RHOU: variants seen among roughly 807,000 people sequenced by gnomAD.
RHOU encodes the protein rho-related GTP-binding protein RhoU.
RHOU carries 8 observed loss-of-function variants against 12.6 expected under a neutral mutation model. The observed-to-expected ratio is 0.64, with a 90% CI of 0.37 to 1.15. The LOEUF is 1.15. Among genes scored for constraint, RHOU ranks in the 50% most tolerant of loss-of-function variants. RHOU has a pLI of 0.01. For missense variants in RHOU, 258 were observed against 347.0 expected (o/e 0.74, Z 2.04); for synonymous variants, 161 against 147.4 (o/e 1.09, Z -0.67).
the RHOU span, among the ~76,000 whole-genome samples, chr1:228,710,345 G>C: frequency 6.6e-6 from 1 of 152,132 alleles, no homozygotes; most frequent in Non-Finnish European, 1.5e-5. Flanking sequence ...AAGCCGGGCA[G>C]AGACACAACC....
chr1:228,673,895 G>A, the RHOU span, among the ~76,000 whole-genome samples: 1 of 152,204 alleles, frequency 6.6e-6, no homozygotes, highest in Admixed American at 6.5e-5. Context: ...TTTCTATTGA[G>A]CGTATCTAGT....
chr1:228,716,724 G>A, the RHOU span, among the ~76,000 whole-genome samples: 2 of 104,328 alleles, frequency 1.9e-5, no homozygotes, highest in Admixed American at 9.0e-5. Context: ...TTATGTGTGT[G>A]TGTATATATA....
the RHOU span, among the ~76,000 whole-genome samples, chr1:228,677,490 T>G: frequency 6.6e-6 from 1 of 151,578 alleles, no homozygotes; most frequent in South Asian, 2.1e-4. Context: ...CATTTACAAA[T>G]ATACAGTCCC....
At chr1:228,707,105 C>CATATATATATATATAT in the RHOU span, among the ~76,000 whole-genome samples, 13 of 70,800 alleles carry the variant, frequency 1.8e-4, no homozygotes, top group South Asian at 4.1e-4. Flanking sequence ...TATATACATA[C>CATATATATATATATAT]ATATATATAT....
chr1:228,722,432 C>G, the RHOU span, among the ~76,000 whole-genome samples: 1 of 152,164 alleles, frequency 6.6e-6, no homozygotes, highest in Non-Finnish European at 1.5e-5. Context: ...CAGCACCTCC[C>G]TTGGAACTCC....
chr1:228,710,958 C>G, the RHOU span, among the ~76,000 whole-genome samples: 1 of 151,186 alleles, frequency 6.6e-6, no homozygotes, highest in African/African-American at 2.4e-5. Flanking sequence ...GCAACTTCAG[C>G]AAAGTCTCAG....
At chr1:228,728,263 C>G in the RHOU span, among the ~76,000 whole-genome samples, 3 of 152,226 alleles carry the variant, frequency 2.0e-5, no homozygotes, top group Non-Finnish European at 4.4e-5. Flanking sequence ...TCTAGCCTTT[C>G]TCCTCTAGGC....
upstream of RHOU, among the ~76,000 whole-genome samples, chr1:228,730,556 G>A (rs892105407): frequency 6.6e-6 from 1 of 152,148 alleles, no homozygotes; most frequent in Non-Finnish European, 1.5e-5. Flanking sequence ...CATGTCTCCG[G>A]ACAACTTTAG....
chr1:228,664,400 C>T, the RHOU span, among the ~76,000 whole-genome samples: 1 of 152,034 alleles, frequency 6.6e-6, no homozygotes, highest in African/African-American at 2.4e-5. Flanking sequence ...ATGAGGAAAG[C>T]CATTTGCGGA....
chr1:228,695,207 C>T, the RHOU span, among the ~76,000 whole-genome samples: 6 of 152,206 alleles, frequency 3.9e-5, no homozygotes, highest in East Asian at 1.2e-3. Flanking sequence ...TGAGCTCAAG[C>T]GATCCACCCA....
the RHOU span, among the ~76,000 whole-genome samples, chr1:228,707,123 T>TAC: frequency 1.4e-4 from 11 of 81,168 alleles, no homozygotes; most frequent in East Asian, 9.8e-4. Context: ...TATATATATA[T>TAC]ATACATATAT....
the RHOU span, among the ~76,000 whole-genome samples, chr1:228,714,722 GTTTAT>G: frequency 8.5e-6 from 1 of 117,050 alleles, no homozygotes; most frequent in Non-Finnish European, 1.9e-5. Flanking sequence ...CTAATGGCTT[GTTTAT>G]TTTGTTAATT....
the RHOU span, among the ~76,000 whole-genome samples, chr1:228,675,577 G>A: frequency 6.6e-6 from 1 of 152,124 alleles, no homozygotes; most frequent in Non-Finnish European, 1.5e-5. Flanking sequence ...CTTCAGTAAT[G>A]TTTAATACAC....
chr1:228,669,410 A>C, the RHOU span, among the ~76,000 whole-genome samples: 1 of 152,176 alleles, frequency 6.6e-6, no homozygotes, highest in Admixed American at 6.5e-5. Context: ...TTCTTGCATT[A>C]CAGCCTCTGT....
At chr1:228,647,385 C>T in the RHOU span, among the ~76,000 whole-genome samples, 2 of 152,148 alleles carry the variant, frequency 1.3e-5, no homozygotes, top group Non-Finnish European at 2.9e-5. Flanking sequence ...CGTCCGGAGG[C>T]CTGGGTCTCT....
the RHOU span, among the ~76,000 whole-genome samples, chr1:228,728,551 G>C: frequency 1.3e-5 from 2 of 152,150 alleles, no homozygotes; most frequent in African/African-American, 2.4e-5. Context: ...TTTTATTAGA[G>C]TGTTATTTAA....
chr1:228,718,135 C>T, the RHOU span, among the ~76,000 whole-genome samples: 1 of 152,082 alleles, frequency 6.6e-6, no homozygotes, highest in Non-Finnish European at 1.5e-5. Flanking sequence ...GGGGAGGTGA[C>T]AGGAAGTGGT....
the RHOU span, among the ~76,000 whole-genome samples, chr1:228,721,169 G>C: frequency 6.6e-6 from 1 of 152,094 alleles, no homozygotes; most frequent in African/African-American, 2.4e-5. Context: ...TGGCGTGGTG[G>C]CAGGTGCCTG....
the RHOU span, among the ~76,000 whole-genome samples, chr1:228,653,898 T>C: frequency 2.0e-5 from 3 of 152,362 alleles, no homozygotes; most frequent in South Asian, 6.2e-4. Flanking sequence ...TGGTAGAAAT[T>C]GGGAAGACTG....
Sources: allele counts gnomAD v4.1 joint callset (sites outside exome capture counted in the v4.1 genomes callset), GRCh38; gene constraint gnomAD v4.1.1; transcripts MANE v1.5; gene names NCBI Gene and HGNC (gene_info 2026-07-23, HGNC 2026-07-21).